C10orf67: variants seen among roughly 807,000 people sequenced by gnomAD.
C10orf67 encodes the protein uncharacterized protein C10orf67, mitochondrial.
Under a neutral mutation model 35.6 loss-of-function variants are expected in C10orf67, and 60 were observed. The ratio of observed to expected loss-of-function variants is 1.68; its 90% CI spans 1.37 to 2.09. The LOEUF (loss-of-function observed/expected upper bound fraction) is 2.09. Ranked by LOEUF, C10orf67 falls within the 30% of genes most tolerant of loss-of-function variation. The pLI, the probability that C10orf67 is intolerant of heterozygous loss-of-function variation, is 0.00. For missense variants in C10orf67, 474 were observed against 330.2 expected (o/e 1.44, Z -3.38); for synonymous variants, 167 against 115.8 (o/e 1.44, Z -2.84).
At chr10:23,315,590 C>T (rs1017195219) in intron 4 of C10orf67, among the ~76,000 whole-genome samples, 4 of 151,954 alleles carry the variant, frequency 2.6e-5, no homozygotes, top group African/African-American at 9.7e-5. Context: ...AGGCGCATGT[C>T]CCCATGCCCA....
intron 15 of C10orf67, among the ~76,000 whole-genome samples, chr10:23,206,784 A>G (rs1274611561): frequency 2.0e-5 from 3 of 152,198 alleles, no homozygotes; most frequent in Admixed American, 1.3e-4. Context: ...CAAAGTTTCA[A>G]TGAAAAATTT....
At chr10:23,254,166 A>T (rs1842538822) in intron 10 of C10orf67, among the ~76,000 whole-genome samples, 1 of 152,234 alleles carries the variant, frequency 6.6e-6, no homozygotes, top group African/African-American at 2.4e-5. Flanking sequence ...CACAAACACA[A>T]ATTAAATAAT....
intron 4 of C10orf67, among the ~76,000 whole-genome samples, chr10:23,309,505 G>GT (rs1844417228): frequency 6.6e-6 from 1 of 152,172 alleles, no homozygotes; most frequent in African/African-American, 2.4e-5. Flanking sequence ...ATATACCCAT[G>GT]TAACAAGCAT....
At chr10:23,216,629 A>G (rs1156367433) in intron 15 of C10orf67, among the ~76,000 whole-genome samples, 1 of 152,178 alleles carries the variant, frequency 6.6e-6, no homozygotes, top group African/African-American at 2.4e-5. Context: ...ACAATGGAAT[A>G]TACTATACAG....
intron 4 of C10orf67, among the ~76,000 whole-genome samples, chr10:23,307,023 C>T (rs1844311614): frequency 1.3e-5 from 2 of 152,086 alleles, no homozygotes; most frequent in Admixed American, 1.3e-4. Context: ...AATGGTGCAA[C>T]TAATTGCCTC....
chr10:23,202,730 T>G lies in C10orf67; in HGVS notation c.*1443A>C, dbSNP rs1239025017. On this transcript the variant is annotated 3_prime_UTR_variant, in exon 16 of 16. Transcript: ENST00000636213. ...GACCTTTATTGTGCCATTTGAAACT[T>G]TGCTTTGGTACCCAGATAAATCTTG... 6.6e-6 allele frequency: 1 copy of G among 152,200 alleles called. No homozygotes were observed. Among genetic ancestry groups the G allele is most frequent in the Non-Finnish European group, 1.5e-5 (1 of 68,044 alleles). The allele number at this position is 152,200 out of a possible 1,614,324, so 9.4% of individuals were successfully genotyped here.
At chr10:23,321,610 C>A (rs1564511775) in intron 3 of C10orf67, among the ~76,000 whole-genome samples, 1 of 152,158 alleles carries the variant, frequency 6.6e-6, no homozygotes, top group South Asian at 2.1e-4. Context: ...CCTTGGCAAG[C>A]TGTTTCTTGA....
At chr10:23,297,378 G>A (rs1460917167) in intron 5 of C10orf67, among the ~76,000 whole-genome samples, 2 of 152,110 alleles carry the variant, frequency 1.3e-5, no homozygotes, top group Non-Finnish European at 2.9e-5. Flanking sequence ...TCGGAAGTTA[G>A]GAATTCCCTT....
intron 15 of C10orf67, among the ~76,000 whole-genome samples, chr10:23,214,220 G>A (rs1052886667): frequency 1.3e-5 from 2 of 152,008 alleles, no homozygotes; most frequent in Non-Finnish European, 2.9e-5. Flanking sequence ...CAGTCATAGA[G>A]AGATATTTTT....
chr10:23,296,242 T>C (rs1302199772), intron 5 of C10orf67, among the ~76,000 whole-genome samples: 1 of 152,080 alleles, frequency 6.6e-6, no homozygotes, highest in African/African-American at 2.4e-5. Flanking sequence ...AGGGCTCCCA[T>C]ACAAAAGGAA....
intron 4 of C10orf67, among the ~76,000 whole-genome samples, chr10:23,308,147 A>T (rs919077337): frequency 1.3e-5 from 2 of 152,086 alleles, no homozygotes; most frequent in African/African-American, 4.8e-5. Context: ...CCAGAAACCC[A>T]TTTTAAGCCC....
At chr10:23,224,301 A>T (rs1458107401) in intron 13 of C10orf67, among the ~76,000 whole-genome samples, 1 of 152,212 alleles carries the variant, frequency 6.6e-6, no homozygotes, top group Non-Finnish European at 1.5e-5. Flanking sequence ...ACTCCAACAG[A>T]CCTGCAGCTG....
chr10:23,258,557 C>A, intron 10 of C10orf67: 1 of 168,350 alleles, frequency 5.9e-6, no homozygotes, highest in Admixed American at 5.8e-5. Context: ...AGCACCACCT[C>A]AGCCCTGAGA....
chr10:23,250,592 T>C lies in C10orf67; in HGVS notation c.1280+20A>G, dbSNP rs1032574826. 7.5e-6 allele frequency: 3 copies of C among 398,520 alleles called. No homozygotes were observed. The Admixed American group carries it at 1.3e-4, about 18-fold the overall frequency. The allele number at this position is 398,520 out of a possible 1,614,324, so 24.7% of individuals were successfully genotyped here. Reference sequence around the variant, plus strand: ...AACATTATATCTCATTACCAGTGCCTTTTACTCTATTACCAGTACCTTTCC... The same window carrying C: ...AACATTATATCTCATTACCAGTGCCCTTTACTCTATTACCAGTACCTTTCC... On this transcript the variant is annotated intron_variant, in intron 11 of 15. Transcript: ENST00000636213.
chr10:23,268,307 C>A (rs2132202898), intron 8 of C10orf67, among the ~76,000 whole-genome samples: 1 of 152,098 alleles, frequency 6.6e-6, no homozygotes, highest in South Asian at 2.1e-4. Flanking sequence ...GAAAAAAAAT[C>A]AATTTTAATT....
At chr10:23,259,391 A>G (rs1338625842) in intron 10 of C10orf67, among the ~76,000 whole-genome samples, 2 of 152,192 alleles carry the variant, frequency 1.3e-5, no homozygotes, top group Non-Finnish European at 2.9e-5. Flanking sequence ...TAAAGATTGC[A>G]AGACTCAGCC....
intron 5 of C10orf67, among the ~76,000 whole-genome samples, chr10:23,298,750 T>C (rs1439005712): frequency 1.3e-5 from 2 of 152,198 alleles, no homozygotes; most frequent in African/African-American, 2.4e-5. Context: ...GCTGAGCTTT[T>C]GGTTTGGAAA....
intron 12 of C10orf67, among the ~76,000 whole-genome samples, chr10:23,250,111 A>T (rs779055294): frequency 2.2e-4 from 34 of 152,216 alleles, no homozygotes; most frequent in Non-Finnish European, 3.7e-4. Flanking sequence ...GACAATACAA[A>T]CTAGTTATAT....
intron 15 of C10orf67, among the ~76,000 whole-genome samples, chr10:23,222,043 G>A (rs1185448839): frequency 1.3e-5 from 2 of 152,118 alleles, no homozygotes; most frequent in Admixed American, 6.6e-5. Flanking sequence ...GAGCCTTAGA[G>A]CACACTGTAA....
Sources: allele counts gnomAD v4.1 joint callset (sites outside exome capture counted in the v4.1 genomes callset), GRCh38; gene constraint gnomAD v4.1.1; transcripts MANE v1.5; gene names NCBI Gene and HGNC (gene_info 2026-07-23, HGNC 2026-07-21).